Variants in FBXW11 observed in about 807,000 individuals in gnomAD.
FBXW11 encodes the protein F-box and WD repeat domain containing 11.
Under a neutral mutation model 77.6 loss-of-function variants are expected in FBXW11, and 19 were observed. That is an observed-to-expected ratio of 0.24 (90% CI 0.17 to 0.36). The LOEUF (loss-of-function observed/expected upper bound fraction) is 0.36. FBXW11 is among the 10% of genes least tolerant of loss of function. FBXW11 has a pLI of 1.00. For synonymous variants in FBXW11, 235 were observed against 249.4 expected (o/e 0.94, Z 0.54); for missense variants, 334 against 704.2 (o/e 0.47, Z 5.95).
chr5:171,931,141 A>G (rs549628180), intron 2 of FBXW11, among the ~76,000 whole-genome samples: 6 of 152,368 alleles, frequency 3.9e-5, no homozygotes, highest in Non-Finnish European at 2.9e-5. Context: ...ATCAAAATCC[A>G]GCAAGTTACT....
intron 6 of FBXW11, among the ~76,000 whole-genome samples, chr5:171,893,072 G>C (rs1270198515): frequency 6.6e-6 from 1 of 152,034 alleles, no homozygotes. Context: ...TAATTTAATC[G>C]TGACTCTGAA....
intron 1 of FBXW11, among the ~76,000 whole-genome samples, chr5:171,992,531 AAAG>A (rs1230894255): frequency 1.3e-5 from 2 of 152,096 alleles, no homozygotes; most frequent in East Asian, 1.9e-4. Flanking sequence ...AGAAAAAGAA[AAAG>A]AAGGAAAGGA....
intron 8 of FBXW11, among the ~76,000 whole-genome samples, chr5:171,877,755 C>T (rs1758196290): frequency 6.6e-6 from 1 of 152,176 alleles, no homozygotes; most frequent in South Asian, 2.1e-4. Context: ...AGAAGAAAGC[C>T]AGCCTAATAC....
At chr5:171,916,487 A>G (rs1761261608) in intron 2 of FBXW11, 1 of 985,146 alleles carries the variant, frequency 1.0e-6, no homozygotes, top group Admixed American at 6.2e-5. Context: ...TGTGTCCAAG[A>G]GTCCAAAACA....
intron 2 of FBXW11, among the ~76,000 whole-genome samples, chr5:171,938,666 T>C (rs1762597899): frequency 6.6e-6 from 1 of 152,212 alleles, no homozygotes; most frequent in South Asian, 2.1e-4. Flanking sequence ...TCCCTGAAGA[T>C]ACACTAATTC....
At position 171,869,169 on chromosome 5, in the gene FBXW11, T is replaced by C. The variant is rs1757610610; in HGVS notation, c.1531-373A>G. On this transcript the variant is annotated intron_variant, in intron 12 of 13. Coordinates refer to ENST00000517395, the MANE Select transcript of FBXW11 (RefSeq NM_001378974.1). The surrounding 1 kb of genome is among the most constrained non-coding windows in gnomAD (Gnocchi z 4.1). ...TAACATGACCAGGATCTACCTCAAA[T>C]TGCTGCCAGCATCAAAATTCATGGT... Among the ~76,000 whole-genome samples, 1 of 152,176 alleles carries C rather than the reference T, an allele frequency of 6.6e-6. No homozygotes were observed. Among genetic ancestry groups the C allele is most frequent in the Non-Finnish European group, 1.5e-5 (1 of 68,018 alleles).
intron 7 of FBXW11, among the ~76,000 whole-genome samples, chr5:171,885,049 C>T (rs1758783004): frequency 6.6e-6 from 1 of 152,086 alleles, no homozygotes; most frequent in African/African-American, 2.4e-5. Context: ...TCTTCCTCAC[C>T]CCTTTATGCG....
intron 2 of FBXW11, among the ~76,000 whole-genome samples, chr5:171,951,647 T>C (rs1023290581): frequency 1.3e-5 from 2 of 152,114 alleles, no homozygotes; most frequent in Non-Finnish European, 2.9e-5. Context: ...CATGCCACCA[T>C]ACCTGGCTAA....
chr5:171,961,498 G>A (rs535746091), intron 1 of FBXW11, among the ~76,000 whole-genome samples: 8 of 152,238 alleles, frequency 5.3e-5, no homozygotes, highest in East Asian at 1.9e-4. Context: ...GTCTGTACCC[G>A]CTAGCCAAAA....
At chr5:171,964,796 T>C (rs1357947163) in intron 1 of FBXW11, among the ~76,000 whole-genome samples, 4 of 152,230 alleles carry the variant, frequency 2.6e-5, no homozygotes, top group African/African-American at 2.4e-5. Flanking sequence ...TATAACCTTT[T>C]ATAGAACTGA....
intron 2 of FBXW11, among the ~76,000 whole-genome samples, chr5:171,936,109 TAAA>T (rs61349170): frequency 1.7e-5 from 1 of 59,350 alleles, no homozygotes. Context: ...AGACTCCATC[TAAA>T]AAAAAAAAAA....
chr5:171,914,930 C>T (rs1327373182), intron 2 of FBXW11, among the ~76,000 whole-genome samples: 1 of 152,214 alleles, frequency 6.6e-6, no homozygotes, highest in Admixed American at 6.5e-5. Flanking sequence ...GGTGCCCCAA[C>T]CTTCTCCCTG....
At chr5:171,973,934 T>G (rs1008354786) in intron 1 of FBXW11, among the ~76,000 whole-genome samples, 2 of 152,204 alleles carry the variant, frequency 1.3e-5, no homozygotes, top group Non-Finnish European at 2.9e-5. Context: ...ATGCAAATAA[T>G]GGAATGATAT....
intron 12 of FBXW11, 130 bp from the exon 13 acceptor site, chr5:171,868,926 C>A: frequency 2.8e-6 from 2 of 715,924 alleles, no homozygotes; most frequent in Admixed American, 3.3e-5. Flanking sequence ...ACAGAGCTCA[C>A]TGAACTGTGT....
At chr5:171,911,418 G>A (rs1048220167) in intron 3 of FBXW11, among the ~76,000 whole-genome samples, 1 of 151,650 alleles carries the variant, frequency 6.6e-6, no homozygotes, top group African/African-American at 2.4e-5. Context: ...CCCGTCCAGA[G>A]ACTACACTTT....
At chr5:171,893,447 A>AAAAAAAAAAAAAAAAAAAAAAAG (rs1759524722) in intron 6 of FBXW11, among the ~76,000 whole-genome samples, 1 of 147,306 alleles carries the variant, frequency 6.8e-6, no homozygotes, top group Non-Finnish European at 1.5e-5. Context: ...AAAAAAAAAA[A>AAAAAAAAAAAAAAAAAAAAAAAG]CTAACCCAAC....
chr5:171,888,239 T>C lies in FBXW11; in HGVS notation c.852+3228A>G, dbSNP rs1349099163. 2.6e-5 allele frequency among the ~76,000 whole-genome samples: 4 copies of C among 152,276 alleles called. No individual in the cohort carries two copies. The East Asian group carries it at 7.7e-4, about 29-fold the overall frequency. The stretch of plus-strand genomic sequence containing the variant: ...GAGGAAAAGGAAAAAAGTGTCCTTA[T>C]GGGCTGAAGAGACTTAGGGAAATCC... On this transcript the variant is annotated intron_variant, in intron 7 of 13. Coordinates refer to ENST00000517395, the MANE Select transcript of FBXW11 (RefSeq NM_001378974.1).
intron 2 of FBXW11, among the ~76,000 whole-genome samples, chr5:171,954,463 A>G (rs1763514793): frequency 6.6e-6 from 1 of 152,234 alleles, no homozygotes; most frequent in African/African-American, 2.4e-5. Flanking sequence ...AATGATACAT[A>G]CTATTATTAA....
In FBXW11 at chr5:171,876,539, G is replaced by A. The variant is rs769606161; in HGVS notation, c.972-5C>T. 3 of 1,611,422 alleles carry A rather than the reference G, an allele frequency of 1.9e-6. No individual in the cohort carries two copies. The highest frequency in any genetic ancestry group is 1.1e-5 in the South Asian group (1 of 91,032). ...CCCGTGTTCACATCCCACACTCTAG[G>A]AGAGAAGAGAAAAGCATGATGCTTA... On this transcript the variant is annotated splice_polypyrimidine_tract_variant and splice_region_variant and intron_variant, in intron 8 of 13. Coordinates refer to ENST00000517395, the MANE Select transcript of FBXW11 (RefSeq NM_001378974.1). This position sits in a 1 kb window ranked among gnomAD's most constrained non-coding sequence, Gnocchi z 4.2.
Sources: gnomAD v4.1 joint callset for allele counts (sites outside exome capture counted in the v4.1 genomes callset) on GRCh38, gnomAD v4.1.1 for gene constraint, Gnocchi (gnomAD v3.1) non-coding constraint, MANE v1.5 for transcripts, NCBI Gene and HGNC (gene_info 2026-07-23, HGNC 2026-07-21) for gene names.